Variants in PRKAG2 observed in about 807,000 individuals in gnomAD.
PRKAG2 encodes protein kinase AMP-activated non-catalytic subunit gamma 2, also known as 5'-AMP-activated protein kinase subunit gamma-2.
PRKAG2 carries 26 observed loss-of-function variants against 69.6 expected under a neutral mutation model. The observed-to-expected ratio is 0.37, with a 90% CI of 0.27 to 0.52. The LOEUF is 0.52. Ranked by LOEUF, PRKAG2 falls within the 20% of genes least tolerant of loss-of-function variation. The probability of loss-of-function intolerance (pLI) is 0.90; values close to 1 mark genes in which losing one functional copy is unlikely to be tolerated. For missense variants in PRKAG2, 557 were observed against 740.0 expected (o/e 0.75, Z 2.87); for synonymous variants, 293 against 285.0 (o/e 1.03, Z -0.28).
At chr7:151,702,271 C>G (rs1320279373) in intron 3 of PRKAG2, among the ~76,000 whole-genome samples, 1 of 152,222 alleles carries the variant, frequency 6.6e-6, no homozygotes, top group Non-Finnish European at 1.5e-5. Flanking sequence ...TCTTCCACAT[C>G]CTTTACATCC....
intron 1 of PRKAG2, chr7:151,810,893 G>A (rs2078383232): frequency 6.5e-6 from 1 of 153,674 alleles, no homozygotes; most frequent in African/African-American, 2.4e-5. Flanking sequence ...GGTGCACGGG[G>A]CACCGAGAAG....
intron 5 of PRKAG2, among the ~76,000 whole-genome samples, chr7:151,606,134 A>G (rs1336411662): frequency 2.0e-5 from 3 of 152,144 alleles, no homozygotes; most frequent in Non-Finnish European, 4.4e-5. Context: ...GGCTCAAGTG[A>G]TCCACCTGCC....
intron 3 of PRKAG2, among the ~76,000 whole-genome samples, chr7:151,693,711 G>C (rs1202967215): frequency 6.6e-6 from 1 of 152,138 alleles, no homozygotes; most frequent in Admixed American, 6.5e-5. Context: ...TGAGGAGGGT[G>C]GTGCCCCATG....
At chr7:151,845,427 T>C (rs1023736993) in intron 1 of PRKAG2, among the ~76,000 whole-genome samples, 55 of 151,224 alleles carry the variant, frequency 3.6e-4, no homozygotes, top group African/African-American at 1.0e-3. Flanking sequence ...AGCACATTCA[T>C]GAACCCGCCT....
At chr7:151,703,995 G>A (rs1169647809) in intron 3 of PRKAG2, among the ~76,000 whole-genome samples, 1 of 151,942 alleles carries the variant, frequency 6.6e-6, no homozygotes, top group African/African-American at 2.4e-5. Context: ...CTGGGGGGCG[G>A]AGGTTGCAGT....
At chr7:151,742,286 A>C (rs567404547) in intron 3 of PRKAG2, among the ~76,000 whole-genome samples, 1 of 152,330 alleles carries the variant, frequency 6.6e-6, no homozygotes, top group East Asian at 1.9e-4. Flanking sequence ...ATTTCTCTCT[A>C]CATCCTGATT....
rs529473335 is a variant in PRKAG2, at chr7:151,631,573, G to C, written c.754+496C>G. The C allele has an allele frequency of 9.4e-5, 39 of 413,010 alleles. 1 individual carries two copies. The highest frequency in any genetic ancestry group is 6.4e-4 in the South Asian group (38 of 59,570). The allele number at this position is 413,010 out of a possible 1,614,324, so 25.6% of individuals were successfully genotyped here. ...GAGAGGGTCGCCTGAACTCAACACC[G>C]ATTCAATAACCTCTTCAGGTTTTCC... On this transcript the variant is annotated intron_variant, in intron 5 of 15. Transcript: ENST00000287878.
intron 5 of PRKAG2, among the ~76,000 whole-genome samples, chr7:151,608,858 A>G (rs1480373241): frequency 1.3e-5 from 2 of 151,262 alleles, no homozygotes; most frequent in Admixed American, 1.3e-4. Flanking sequence ...TAATGCACCT[A>G]TGAAAGTGCC....
chr7:151,688,549 G>A (rs949520690), intron 3 of PRKAG2, among the ~76,000 whole-genome samples: 1 of 152,184 alleles, frequency 6.6e-6, no homozygotes, highest in Non-Finnish European at 1.5e-5. Context: ...CAGAGCTTCC[G>A]TCTGCAACGT....
chr7:151,787,658 G>A (rs1586536778), intron 1 of PRKAG2, among the ~76,000 whole-genome samples: 1 of 152,268 alleles, frequency 6.6e-6, no homozygotes, highest in East Asian at 1.9e-4. Context: ...ACGCTGCTAT[G>A]AGTGTTATGG....
At chr7:151,606,000 T>C (rs138374202) in intron 5 of PRKAG2, among the ~76,000 whole-genome samples, 1,529 of 150,964 alleles carry the variant, frequency 0.01, 24 homozygotes, top group African/African-American at 0.035. Flanking sequence ...TGAGCTGAGA[T>C]TGTGCTACTA....
At chr7:151,597,192 T>C (rs2151144390) in intron 5 of PRKAG2, among the ~76,000 whole-genome samples, 1 of 152,304 alleles carries the variant, frequency 6.6e-6, no homozygotes, top group South Asian at 2.1e-4. Context: ...GTCTCTTCCA[T>C]AAATGGTGCT....
At chr7:151,833,982 G>A (rs1441492881) in intron 1 of PRKAG2, among the ~76,000 whole-genome samples, 3 of 152,208 alleles carry the variant, frequency 2.0e-5, no homozygotes, top group African/African-American at 7.2e-5. Flanking sequence ...CATGGCGGGG[G>A]CCAGGCAGGG....
intron 1 of PRKAG2, among the ~76,000 whole-genome samples, chr7:151,791,940 T>G (rs911154837): frequency 1.3e-5 from 2 of 152,212 alleles, no homozygotes; most frequent in Non-Finnish European, 2.9e-5. Context: ...CGACTATAGA[T>G]GAAGATACTG....
chr7:151,795,908 G>GA (rs2077511103), intron 1 of PRKAG2, among the ~76,000 whole-genome samples: 1 of 113,298 alleles, frequency 8.8e-6, no homozygotes, highest in Admixed American at 8.9e-5. Flanking sequence ...ATATGTATAT[G>GA]TAATCATGTT....
chr7:151,773,617 C>T (rs753282107), intron 3 of PRKAG2, among the ~76,000 whole-genome samples: 39 of 152,338 alleles, frequency 2.6e-4, no homozygotes, highest in Non-Finnish European at 4.3e-4. Flanking sequence ...TTTAGCAACA[C>T]GACATTAGAT....
intron 3 of PRKAG2, among the ~76,000 whole-genome samples, chr7:151,751,061 C>T (rs1258458109): frequency 6.6e-6 from 1 of 150,926 alleles, no homozygotes; most frequent in Non-Finnish European, 1.5e-5. Context: ...TTGAGGATTG[C>T]CTAGGCATGT....
Position 151,705,138 on chromosome 7 carries a change from T to C in PRKAG2, c.467-29501A>G, listed in dbSNP as rs145913641. On this transcript the variant is annotated intron_variant, in intron 3 of 15. Transcript: ENST00000287878. ...CTGATAAAACGTAAATGCAATTGAGTTATACTTCCAGCTGCTCTGAACAGA... is the reference window on the plus strand; with the variant it reads ...CTGATAAAACGTAAATGCAATTGAGCTATACTTCCAGCTGCTCTGAACAGA... 6.6e-5 allele frequency among the ~76,000 whole-genome samples: 10 copies of C among 152,290 alleles called. 1 individual carries two copies. The highest frequency in any genetic ancestry group is 1.2e-4 in the Non-Finnish European group (8 of 68,012).
intron 6 of PRKAG2, among the ~76,000 whole-genome samples, chr7:151,579,679 CA>C (rs2151060449): frequency 6.6e-6 from 1 of 152,164 alleles, no homozygotes; most frequent in South Asian, 2.1e-4. Flanking sequence ...AGGTCAATTT[CA>C]ACAAGAAGCT....
Sources: allele counts gnomAD v4.1 joint callset (sites outside exome capture counted in the v4.1 genomes callset), GRCh38; gene constraint gnomAD v4.1.1; transcripts MANE v1.5; gene names NCBI Gene and HGNC (gene_info 2026-07-23, HGNC 2026-07-21).